The following SLC25A26 variants were observed in gnomAD, a reference collection of about 807,000 sequenced individuals.
The protein encoded by SLC25A26 is solute carrier family 25 member 26.
Under a neutral mutation model 37.8 loss-of-function variants are expected in SLC25A26, and 36 were observed. That is an observed-to-expected ratio of 0.95 (90% CI 0.73 to 1.26). SLC25A26 has a LOEUF of 1.26. Among genes scored for constraint, SLC25A26 ranks in the 50% most tolerant of loss-of-function variants. The pLI, the probability that SLC25A26 is intolerant of heterozygous loss-of-function variation, is 0.00. For synonymous variants in SLC25A26, 129 were observed against 122.5 expected, an observed-to-expected ratio of 1.05 and a Z score of -0.35; for missense variants, 390 against 331.1, an observed-to-expected ratio of 1.18 and a Z score of -1.38.
chr3:66,249,072 A>C (rs552234520), intron 3 of SLC25A26, among the ~76,000 whole-genome samples: 2 of 152,240 alleles, frequency 1.3e-5, no homozygotes, highest in Non-Finnish European at 2.9e-5. Flanking sequence ...GTGGTGTACC[A>C]CTTGTAGATC....
At chr3:66,229,317 G>A (rs2071900137) in intron 1 of SLC25A26, among the ~76,000 whole-genome samples, 1 of 152,168 alleles carries the variant, frequency 6.6e-6, no homozygotes, top group South Asian at 2.1e-4. Context: ...GGCTTAGAGA[G>A]GTTAGTTTCC....
At chr3:66,308,579 C>T (rs931498692) in intron 5 of SLC25A26, among the ~76,000 whole-genome samples, 2 of 152,148 alleles carry the variant, frequency 1.3e-5, no homozygotes, top group South Asian at 2.1e-4. Flanking sequence ...TCTGCTGTGC[C>T]GGTTTTCAAA....
intron 5 of SLC25A26, among the ~76,000 whole-genome samples, chr3:66,312,790 A>G (rs1436867765): frequency 6.6e-6 from 1 of 152,032 alleles, no homozygotes; most frequent in Non-Finnish European, 1.5e-5. Flanking sequence ...GGGTGAGGCA[A>G]CACCCCACCC....
At chr3:66,328,133 C>T (rs952935636) in intron 5 of SLC25A26, among the ~76,000 whole-genome samples, 2 of 152,030 alleles carry the variant, frequency 1.3e-5, no homozygotes, top group African/African-American at 4.8e-5. Context: ...ACAATACACA[C>T]ATTTTTCCCT....
At chr3:66,138,398 A>G (rs918951573) in intron 1 of SLC25A26, among the ~76,000 whole-genome samples, 1 of 152,138 alleles carries the variant, frequency 6.6e-6, no homozygotes, top group African/African-American at 2.4e-5. Context: ...TTTTTCTATA[A>G]TTAAAAATAT....
chr3:66,298,512 A>G (rs1037094802), intron 5 of SLC25A26, among the ~76,000 whole-genome samples: 1 of 152,188 alleles, frequency 6.6e-6, no homozygotes, highest in Non-Finnish European at 1.5e-5. Context: ...GATGATTTGT[A>G]ATAAACAGTT....
intron 5 of SLC25A26, among the ~76,000 whole-genome samples, chr3:66,300,389 A>G (rs1312321868): frequency 6.6e-6 from 1 of 151,808 alleles, no homozygotes; most frequent in Non-Finnish European, 1.5e-5. Context: ...CATTGGCAAT[A>G]TGATTTGAAC....
intron 1 of SLC25A26, among the ~76,000 whole-genome samples, chr3:66,180,399 G>A (rs368430043): frequency 7.3e-4 from 111 of 152,286 alleles, no homozygotes; most frequent in African/African-American, 2.4e-3. Flanking sequence ...GGAACATGCC[G>A]CAGAGCAACG....
At chr3:66,351,405 G>T (rs2076450530) in intron 6 of SLC25A26, among the ~76,000 whole-genome samples, 1 of 152,168 alleles carries the variant, frequency 6.6e-6, no homozygotes, top group African/African-American at 2.4e-5. Flanking sequence ...AATTTTCCTT[G>T]AAGATTTATA....
intron 5 of SLC25A26, among the ~76,000 whole-genome samples, chr3:66,285,682 A>C (rs74316931): frequency 1.3e-5 from 2 of 151,542 alleles, no homozygotes; most frequent in African/African-American, 4.9e-5. Context: ...CTGATCTCCA[A>C]CTCCTGACCT....
intron 7 of SLC25A26, 101 bp from the exon 8 acceptor site, chr3:66,369,374 TGTA>T (rs1700223795): frequency 3.2e-6 from 2 of 623,416 alleles, no homozygotes; most frequent in African/African-American, 3.8e-5. Flanking sequence ...ATCAGCCAGG[TGTA>T]CATAATGACG....
chr3:66,311,884 A>G (rs1183012234), intron 5 of SLC25A26, among the ~76,000 whole-genome samples: 1 of 152,096 alleles, frequency 6.6e-6, no homozygotes, highest in Non-Finnish European at 1.5e-5. Flanking sequence ...AGAGGGGCAC[A>G]TACCAGATGC....
intron 1 of SLC25A26, among the ~76,000 whole-genome samples, chr3:66,157,125 C>T (rs1012486606): frequency 6.6e-6 from 1 of 152,060 alleles, no homozygotes. Context: ...GCCCCAGCTG[C>T]TTGGAGGCTG....
intron 2 of SLC25A26, 24 bp from the exon 3 acceptor site, chr3:66,243,179 A>T (rs2072662267): frequency 8.1e-7 from 1 of 1,231,298 alleles, no homozygotes; most frequent in Non-Finnish European, 1.2e-6. Context: ...ACTTTGTGAA[A>T]GACTGGCTTG....
At chr3:66,370,410 T>C in intron 8 of SLC25A26, 119 bp from the exon 9 acceptor site, 1 of 837,216 alleles carries the variant, frequency 1.2e-6, no homozygotes, top group Admixed American at 2.0e-5. Context: ...CTCCCTGGTA[T>C]CTGACACTGT....
At position 66,275,186 on chromosome 3, in the gene SLC25A26, A is replaced by G. The variant is rs567900961; in HGVS notation, c.453+11807A>G. Among the ~76,000 whole-genome samples the G allele has an allele frequency of 8.2e-3, 1,172 of 143,286 alleles. 17 individuals are homozygous for G. The highest frequency in any genetic ancestry group is 0.029 in the African/African-American group (1,112 of 38,606). 94.0% of individuals were successfully genotyped at this position (143,286 alleles called of 152,430 possible). A position where few individuals can be genotyped will look rare whatever the true frequency, so the allele number is the denominator to read the frequency against. On this transcript the variant is annotated intron_variant, in intron 5 of 9. Coordinates refer to ENST00000354883, the MANE Select transcript of SLC25A26 (RefSeq NM_001379210.1). ...AAACACGGCATGTTCTCACTCATAGATGGGAATTGAACAATGAGAACACAT... is the reference window on the plus strand; with the variant it reads ...AAACACGGCATGTTCTCACTCATAGGTGGGAATTGAACAATGAGAACACAT...
chr3:66,280,541 G>A (rs1479693047), intron 5 of SLC25A26, among the ~76,000 whole-genome samples: 1 of 152,104 alleles, frequency 6.6e-6, no homozygotes, highest in Admixed American at 6.5e-5. Context: ...CACTGTTAGT[G>A]GAAGGCAGAG....
At position 66,373,480 on chromosome 3, in the gene SLC25A26, ATAAG is replaced by A. The variant is rs1367430630; in HGVS notation, c.707+2883_707+2886del. Among the ~76,000 whole-genome samples, 4 of 152,304 alleles carry A rather than the reference ATAAG, an allele frequency of 2.6e-5. No individual in the cohort carries two copies. The East Asian group carries it at 5.8e-4, about 22-fold the overall frequency. On this transcript the variant is annotated intron_variant, in intron 9 of 9. Coordinates refer to ENST00000354883, the MANE Select transcript of SLC25A26 (RefSeq NM_001379210.1). ...CTGAACAAGACACTGGCGTTTAGAAATAAGTAAGGTAGTAAAGGTGGGAGAACTT... is the reference window on the plus strand; with the variant it reads ...CTGAACAAGACACTGGCGTTTAGAAATAAGGTAGTAAAGGTGGGAGAACTT...
chr3:66,338,716 A>G (rs1282984950), intron 5 of SLC25A26, among the ~76,000 whole-genome samples: 1 of 151,958 alleles, frequency 6.6e-6, no homozygotes, highest in African/African-American at 2.4e-5. Flanking sequence ...CCCTTCCCCT[A>G]GCCAAACTAC....
Sources: allele counts gnomAD v4.1 joint callset (sites outside exome capture counted in the v4.1 genomes callset), GRCh38; gene constraint gnomAD v4.1.1; transcripts MANE v1.5; gene names NCBI Gene and HGNC (gene_info 2026-07-23, HGNC 2026-07-21).